The following NUP62CL variants were observed in gnomAD, a reference collection of about 807,000 sequenced individuals.
NUP62CL encodes nucleoporin 62 C-terminal like.
In NUP62CL, 13 loss-of-function variants were observed where a neutral mutation model predicts 15.3. The ratio of observed to expected loss-of-function variants is 0.85; its 90% CI spans 0.55 to 1.35. The LOEUF (loss-of-function observed/expected upper bound fraction) is 1.35. NUP62CL is among the 40% of genes most tolerant of loss of function. NUP62CL has a pLI of 0.00. For missense variants in NUP62CL, 123 were observed against 130.6 expected, an observed-to-expected ratio of 0.94 and a Z score of 0.28; for synonymous variants, 54 against 49.2, an observed-to-expected ratio of 1.10 and a Z score of -0.41.
rs140435017 is a variant in NUP62CL, at chrX:107,195,327, C to T, written c.-91-2255G>A. 8.0e-3 allele frequency among the ~76,000 whole-genome samples: 896 copies of T among 111,930 alleles called. 10 individuals are homozygous for T. Among genetic ancestry groups the T allele is most frequent in the African/African-American group, 0.028 (859 of 30,826 alleles). On this transcript the variant is annotated intron_variant, in intron 1 of 8. Transcript: ENST00000372466. ...TACTATCTCCTCCATTCATTCCCCACAACCACTATTTTCTAAGAGTTAAAG... is the reference window on the plus strand; with the variant it reads ...TACTATCTCCTCCATTCATTCCCCATAACCACTATTTTCTAAGAGTTAAAG...
chrX:107,184,627 A>T (rs1927009940), intron 2 of NUP62CL, among the ~76,000 whole-genome samples: 1 of 111,839 alleles, frequency 8.9e-6, no homozygotes, highest in African/African-American at 3.2e-5. Flanking sequence ...TCGTGTCATC[A>T]GAGACAAGAA....
intron 4 of NUP62CL, among the ~76,000 whole-genome samples, chrX:107,158,688 A>G (rs1453453450): frequency 1.3e-5 from 1 of 74,570 alleles, no homozygotes; most frequent in Non-Finnish European, 2.3e-5. Context: ...GAAAGATCCA[A>G]AATTGACACC....
chrX:107,153,552 A>T, intron 5 of NUP62CL, 49 bp from the exon 6 acceptor site: 1 of 809,508 alleles, frequency 1.2e-6, no homozygotes, highest in Non-Finnish European at 1.7e-6. Flanking sequence ...GAATTTATAT[A>T]ACAATTTTAG....
intron 2 of NUP62CL, among the ~76,000 whole-genome samples, chrX:107,185,869 T>G (rs1365334653): frequency 9.0e-6 from 1 of 111,156 alleles, no homozygotes; most frequent in Non-Finnish European, 1.9e-5. Context: ...AGTTAAGAGT[T>G]AAAAGATGGG....
chrX:107,204,425 C>T (rs1000365088), intron 1 of NUP62CL, among the ~76,000 whole-genome samples: 3 of 111,153 alleles, frequency 2.7e-5, no homozygotes, highest in Non-Finnish European at 5.7e-5. Flanking sequence ...ATCCCCCACC[C>T]CGCTACTTCC....
intron 4 of NUP62CL, among the ~76,000 whole-genome samples, chrX:107,154,529 TTC>T (rs765968762): frequency 2.7e-5 from 3 of 112,043 alleles, no homozygotes; most frequent in Non-Finnish European, 5.6e-5. Flanking sequence ...AATCTGCTCC[TTC>T]TCTTCCCCTC....
intron 8 of NUP62CL, among the ~76,000 whole-genome samples, chrX:107,139,606 T>C (rs1208034400): frequency 8.9e-6 from 1 of 112,227 alleles, no homozygotes; most frequent in African/African-American, 3.2e-5. Flanking sequence ...TTTTACCAAA[T>C]CTGTTCTAAC....
chrX:107,165,191 C>T (rs1444139524), intron 4 of NUP62CL, among the ~76,000 whole-genome samples: 1 of 110,031 alleles, frequency 9.1e-6, no homozygotes, highest in Non-Finnish European at 1.9e-5. Context: ...CCCAGCTACT[C>T]AGGAGGCCTC....
intron 2 of NUP62CL, among the ~76,000 whole-genome samples, chrX:107,177,363 G>A (rs1222223594): frequency 9.0e-6 from 1 of 111,483 alleles, no homozygotes; most frequent in Non-Finnish European, 1.9e-5. Context: ...TGGTGTGATA[G>A]ACAGAAAACC....
chrX:107,194,514 T>A (rs1311369786), intron 1 of NUP62CL, among the ~76,000 whole-genome samples: 1 of 111,648 alleles, frequency 9.0e-6, no homozygotes, highest in Non-Finnish European at 1.9e-5. Context: ...ATGAGATGAC[T>A]AAAAATTAGT....
chrX:107,149,313 T>C, intron 7 of NUP62CL, among the ~76,000 whole-genome samples: 1 of 112,627 alleles, frequency 8.9e-6, no homozygotes, highest in Admixed American at 9.4e-5. Context: ...AACAAAACAA[T>C]TTTGAATTTT....
intron 4 of NUP62CL, among the ~76,000 whole-genome samples, chrX:107,158,512 C>T (rs1161400127): frequency 3.7e-5 from 3 of 81,865 alleles, no homozygotes; most frequent in African/African-American, 1.6e-4. Flanking sequence ...AACTGAACAA[C>T]CTACTCCTGA....
intron 2 of NUP62CL, among the ~76,000 whole-genome samples, chrX:107,183,902 G>A (rs1201750751): frequency 9.1e-6 from 1 of 110,424 alleles, no homozygotes. Flanking sequence ...TCGAAGCCAG[G>A]TTTTTCATCC....
intron 8 of NUP62CL, among the ~76,000 whole-genome samples, chrX:107,137,255 G>A (rs772549927): frequency 6.3e-5 from 7 of 110,815 alleles, no homozygotes; most frequent in African/African-American, 2.0e-4. Flanking sequence ...GATAAAGGGC[G>A]TCTACAAAAA....
At chrX:107,200,684 G>A in intron 1 of NUP62CL, among the ~76,000 whole-genome samples, 1 of 108,496 alleles carries the variant, frequency 9.2e-6, no homozygotes, top group African/African-American at 3.4e-5. Flanking sequence ...CCAAGGGATG[G>A]CAGAGTGTAT....
intron 4 of NUP62CL, 28 bp downstream of exon 4, chrX:107,167,621 A>G: frequency 9.5e-7 from 1 of 1,050,893 alleles, no homozygotes. Context: ...AATGAAACAC[A>G]TGCAAGTTTT....
intron 3 of NUP62CL, among the ~76,000 whole-genome samples, chrX:107,170,550 C>A (rs1337611227): frequency 2.7e-5 from 3 of 109,576 alleles, no homozygotes; most frequent in Non-Finnish European, 3.8e-5. Context: ...GTAGCTGGGA[C>A]TACAGGCATG....
intron 4 of NUP62CL, among the ~76,000 whole-genome samples, chrX:107,155,910 C>T (rs899195557): frequency 2.7e-5 from 3 of 111,876 alleles, no homozygotes; most frequent in African/African-American, 9.7e-5. Flanking sequence ...TGGGCGCAGG[C>T]CAGTGGGTGC....
intron 2 of NUP62CL, among the ~76,000 whole-genome samples, chrX:107,182,725 G>A (rs1569364151): frequency 9.0e-6 from 1 of 110,842 alleles, no homozygotes; most frequent in African/African-American, 3.3e-5. Flanking sequence ...AATAGAGAAA[G>A]GATGTCTATT....
Sources: allele counts gnomAD v4.1 joint callset (sites outside exome capture counted in the v4.1 genomes callset), GRCh38; gene constraint gnomAD v4.1.1; transcripts MANE v1.5; gene names NCBI Gene and HGNC (gene_info 2026-07-23, HGNC 2026-07-21).